SPATS2: variants seen among roughly 807,000 people sequenced by gnomAD.
SPATS2 encodes spermatogenesis-associated serine-rich protein 2.
A neutral mutation model predicts 63.7 loss-of-function variants in SPATS2; 38 were observed. The ratio of observed to expected loss-of-function variants is 0.60; its 90% CI spans 0.46 to 0.78. The LOEUF is 0.78. SPATS2 is among the 30% of genes least tolerant of loss of function. The pLI is 0.00. For synonymous variants in SPATS2, 207 were observed against 232.9 expected, an observed-to-expected ratio of 0.89 and a Z score of 1.01; for missense variants, 588 against 666.2, an observed-to-expected ratio of 0.88 and a Z score of 1.29.
chr12:49,398,555 T>G (rs1378352904), intron 2 of SPATS2, among the ~76,000 whole-genome samples: 1 of 152,180 alleles, frequency 6.6e-6, no homozygotes, highest in Non-Finnish European at 1.5e-5. Flanking sequence ...GGGTTTCTTG[T>G]TTGGGAGACC....
At chr12:49,393,300 T>C (rs1944452258) in intron 2 of SPATS2, among the ~76,000 whole-genome samples, 1 of 152,192 alleles carries the variant, frequency 6.6e-6, no homozygotes, top group South Asian at 2.1e-4. Flanking sequence ...ATCCATCCTT[T>C]TCTAAAAGTT....
intron 2 of SPATS2, among the ~76,000 whole-genome samples, chr12:49,436,922 C>T (rs1163774708): frequency 2.9e-5 from 4 of 139,146 alleles, no homozygotes; most frequent in Admixed American, 6.9e-5. Context: ...GACCCCCCCA[C>T]CTCCCTCCCG....
chr12:49,403,854 C>A (rs1944650846), intron 2 of SPATS2, among the ~76,000 whole-genome samples: 1 of 151,958 alleles, frequency 6.6e-6, no homozygotes, highest in East Asian at 1.9e-4. Context: ...TAAATCTGGC[C>A]AAAGAAAAAG....
intron 2 of SPATS2, among the ~76,000 whole-genome samples, chr12:49,378,940 T>C (rs1329362555): frequency 1.3e-5 from 2 of 151,368 alleles, no homozygotes; most frequent in Admixed American, 6.6e-5. Flanking sequence ...ATTTTTGAGA[T>C]GGAGTCTCCC....
rs1392974314 is a variant in SPATS2, at chr12:49,500,153, A to G, written c.787A>G (p.Met263Val). The change falls in exon 9 of 14, where the codon ATG becomes GTG. Residue 263 changes from methionine to valine, a missense_variant. Physicochemically the swap from Met to Val is conservative, Grantham distance 21. Transcript: ENST00000552918. ...GTATCGAGTTGTAGTTAAAGAAGAG[A>G]TGGATGCCTCCATTAAGAAAATGAA... Reference protein sequence around the residue: ...ARYRVVVKEEMDASIKKMKQA... With the variant: ...ARYRVVVKEEVDASIKKMKQA... 8.1e-6 allele frequency: 13 copies of G among 1,611,258 alleles called. No homozygotes were observed. The highest frequency in any genetic ancestry group is 1.1e-5 in the Non-Finnish European group (13 of 1,179,032).
chr12:49,484,358 T>C (rs1946253964), intron 3 of SPATS2, among the ~76,000 whole-genome samples: 1 of 152,250 alleles, frequency 6.6e-6, no homozygotes, highest in South Asian at 2.1e-4. Context: ...ATATGGTTGA[T>C]GTATTTAGTG....
chr12:49,447,359 C>G (rs941123653), intron 2 of SPATS2, among the ~76,000 whole-genome samples: 1 of 152,208 alleles, frequency 6.6e-6, no homozygotes, highest in Non-Finnish European at 1.5e-5. Flanking sequence ...TTGCCTCAGC[C>G]TCCCAAGTAG....
chr12:49,400,902 A>G (rs998568931), intron 2 of SPATS2, among the ~76,000 whole-genome samples: 3 of 152,102 alleles, frequency 2.0e-5, no homozygotes, highest in Non-Finnish European at 2.9e-5. Flanking sequence ...TTGAGACAGG[A>G]TCTTACTCCG....
At chr12:49,479,019 T>C (rs367658833) in intron 3 of SPATS2, among the ~76,000 whole-genome samples, 12 of 152,244 alleles carry the variant, frequency 7.9e-5, no homozygotes, top group African/African-American at 2.9e-4. Context: ...TAGAGGATGG[T>C]TTGCCAGCAG....
chr12:49,442,880 CTCTT>C (rs1485639574), intron 2 of SPATS2, among the ~76,000 whole-genome samples: 1 of 143,060 alleles, frequency 7.0e-6, no homozygotes, highest in Non-Finnish European at 1.5e-5. Context: ...AAAACTAAAA[CTCTT>C]TATTCATTAA....
At chr12:49,457,190 T>G (rs965117697) in intron 2 of SPATS2, among the ~76,000 whole-genome samples, 1 of 152,206 alleles carries the variant, frequency 6.6e-6, no homozygotes, top group Non-Finnish European at 1.5e-5. Context: ...TATATTGTTT[T>G]CCAGGTTGGG....
intron 2 of SPATS2, among the ~76,000 whole-genome samples, chr12:49,439,167 G>T (rs559440651): frequency 5.3e-5 from 8 of 152,142 alleles, no homozygotes; most frequent in Admixed American, 5.2e-4. Flanking sequence ...AGACAGAATG[G>T]CAAGTTCAAA....
At chr12:49,449,813 C>T (rs185357024) in intron 2 of SPATS2, among the ~76,000 whole-genome samples, 2 of 152,148 alleles carry the variant, frequency 1.3e-5, no homozygotes, top group African/African-American at 4.8e-5. Context: ...TCCACCTGTC[C>T]CCACCCTTGA....
chr12:49,390,193 C>T (rs780022076), intron 2 of SPATS2: 6 of 1,334,166 alleles, frequency 4.5e-6, no homozygotes, highest in Non-Finnish European at 6.2e-6. Context: ...GAGCTTCTTA[C>T]ATGGCTCCCA....
intron 3 of SPATS2, among the ~76,000 whole-genome samples, chr12:49,475,503 T>C (rs191342340): frequency 1.3e-5 from 2 of 152,216 alleles, no homozygotes; most frequent in East Asian, 3.9e-4. Context: ...TACAGTGGCG[T>C]GGTCTCGGCT....
intron 9 of SPATS2, among the ~76,000 whole-genome samples, chr12:49,502,581 C>A (rs1946583635): frequency 6.6e-6 from 1 of 152,016 alleles, no homozygotes; most frequent in Admixed American, 6.6e-5. Flanking sequence ...CCTCCCTAGT[C>A]CCCTAGCTGG....
At chr12:49,523,897 A>G (rs1946986785) in intron 12 of SPATS2, among the ~76,000 whole-genome samples, 1 of 151,768 alleles carries the variant, frequency 6.6e-6, no homozygotes, top group African/African-American at 2.4e-5. Flanking sequence ...GTTTGCAGTG[A>G]GCTGAGATTG....
At chr12:49,401,965 TATTG>T (rs762636690) in intron 2 of SPATS2, among the ~76,000 whole-genome samples, 3 of 152,072 alleles carry the variant, frequency 2.0e-5, no homozygotes, top group African/African-American at 4.8e-5. Context: ...GTTTTTGTTT[TATTG>T]ATTGATTGAT....
intron 2 of SPATS2, among the ~76,000 whole-genome samples, chr12:49,380,952 C>T (rs567993827): frequency 6.6e-6 from 1 of 150,690 alleles, no homozygotes; most frequent in East Asian, 2.0e-4. Flanking sequence ...AACTTTTGGA[C>T]AAACCACCAT....
Sources: gnomAD v4.1 joint callset for allele counts (sites outside exome capture counted in the v4.1 genomes callset) on GRCh38, gnomAD v4.1.1 for gene constraint, MANE v1.5 for transcripts, NCBI Gene and HGNC (gene_info 2026-07-23, HGNC 2026-07-21) for gene names.